The following ZNF385B variants were observed in gnomAD, a reference collection of about 807,000 sequenced individuals.
The protein encoded by ZNF385B is zinc finger protein 385B, also known as zinc finger protein 533.
In ZNF385B, 23 loss-of-function variants were observed where a neutral mutation model predicts 39.2. That is an observed-to-expected ratio of 0.59 (90% CI 0.42 to 0.83). The LOEUF (loss-of-function observed/expected upper bound fraction) is 0.83. Ranked by LOEUF, ZNF385B falls within the 40% of genes least tolerant of loss-of-function variation. ZNF385B has a pLI of 0.00. For synonymous variants in ZNF385B, 205 were observed against 222.6 expected (o/e 0.92, Z 0.70); for missense variants, 552 against 598.9 (o/e 0.92, Z 0.82).
At chr2:179,793,274 A>G (rs1223527039) in intron 1 of ZNF385B, among the ~76,000 whole-genome samples, 1 of 152,246 alleles carries the variant, frequency 6.6e-6, no homozygotes, top group African/African-American at 2.4e-5. Context: ...TTGCAAGAGA[A>G]AAGAAATGGA....
intron 1 of ZNF385B, among the ~76,000 whole-genome samples, chr2:179,845,787 C>T (rs1708771125): frequency 6.6e-6 from 1 of 152,200 alleles, no homozygotes; most frequent in African/African-American, 2.4e-5. Context: ...CCCATATTTA[C>T]AACTTGATAT....
At chr2:179,632,583 C>A (rs929247657) in intron 3 of ZNF385B, among the ~76,000 whole-genome samples, 2 of 152,106 alleles carry the variant, frequency 1.3e-5, no homozygotes, top group East Asian at 1.9e-4. Flanking sequence ...GCACTAAATG[C>A]CCACAAGAGA....
intron 3 of ZNF385B, among the ~76,000 whole-genome samples, chr2:179,683,805 T>C (rs905090682): frequency 6.6e-6 from 1 of 152,168 alleles, no homozygotes; most frequent in Admixed American, 6.5e-5. Context: ...CAAAACTGCA[T>C]TACTGTTACC....
chr2:179,443,626 G>C (rs1352742088), intron 9 of ZNF385B, among the ~76,000 whole-genome samples, 158 bp from the exon 10 acceptor site: 5 of 152,180 alleles, frequency 3.3e-5, no homozygotes, highest in Admixed American at 6.5e-5. Flanking sequence ...TCACAATGCT[G>C]GTTTCAGTGG....
rs60856335 is a variant in ZNF385B at position 179,764,398 on chromosome 2, A to AT, written c.298+5104dup. On this transcript the variant is annotated intron_variant, in intron 3 of 9. Transcript: ENST00000410066. ...ATATAGTTGGGTTTTTTTTTAATGCATTTTTTCTTTTGATTGGCTTATTTA... is the reference window on the plus strand; with the variant it reads ...ATATAGTTGGGTTTTTTTTTAATGCATTTTTTTCTTTTGATTGGCTTATTTA... 9.6e-3 allele frequency among the ~76,000 whole-genome samples: 1,443 copies of AT among 150,980 alleles called. 17 individuals are homozygous for AT. Among genetic ancestry groups the AT allele is most frequent in the Non-Finnish European group, 0.016 (1,069 of 67,652 alleles).
intron 6 of ZNF385B, among the ~76,000 whole-genome samples, chr2:179,459,196 A>G (rs2051026218): frequency 6.6e-6 from 1 of 152,134 alleles, no homozygotes; most frequent in African/African-American, 2.4e-5. Context: ...TTAGATAAAA[A>G]TTTCTTTGCA....
At chr2:179,823,936 T>C (rs1002411207) in intron 1 of ZNF385B, among the ~76,000 whole-genome samples, 2 of 152,152 alleles carry the variant, frequency 1.3e-5, no homozygotes, top group African/African-American at 4.8e-5. Context: ...GCTTGAGCAA[T>C]TACAGGTATT....
chr2:179,704,830 C>A (rs1699466623), intron 3 of ZNF385B, among the ~76,000 whole-genome samples: 1 of 152,132 alleles, frequency 6.6e-6, no homozygotes, highest in Non-Finnish European at 1.5e-5. Context: ...ATGGTACAAT[C>A]CCTCCAGGCA....
At chr2:179,664,487 G>A (rs1694901233) in intron 3 of ZNF385B, among the ~76,000 whole-genome samples, 1 of 152,066 alleles carries the variant, frequency 6.6e-6, no homozygotes. Context: ...TGAATAGATT[G>A]AACATTGAGG....
At chr2:179,821,979 A>C (rs897049996) in intron 1 of ZNF385B, among the ~76,000 whole-genome samples, 1 of 152,226 alleles carries the variant, frequency 6.6e-6, no homozygotes, top group South Asian at 2.1e-4. Flanking sequence ...TCTGCTGCAT[A>C]GTGCAAGGTT....
At chr2:179,852,871 T>C (rs1016479119) in intron 1 of ZNF385B, among the ~76,000 whole-genome samples, 8 of 152,170 alleles carry the variant, frequency 5.3e-5, no homozygotes, top group African/African-American at 1.7e-4. Flanking sequence ...TAAAGTCCAA[T>C]AATGACTACA....
intron 3 of ZNF385B, among the ~76,000 whole-genome samples, chr2:179,703,613 T>C (rs1330238015): frequency 1.3e-5 from 2 of 152,190 alleles, no homozygotes; most frequent in African/African-American, 4.8e-5. Context: ...AATGAGCAAA[T>C]TCAAGATTAC....
intron 3 of ZNF385B, among the ~76,000 whole-genome samples, chr2:179,565,730 T>A (rs1216161515): frequency 6.6e-6 from 1 of 152,208 alleles, no homozygotes; most frequent in African/African-American, 2.4e-5. Flanking sequence ...TTTTGTCTCC[T>A]TTTAAATTCT....
chr2:179,757,151 T>C (rs1000306173), intron 3 of ZNF385B, among the ~76,000 whole-genome samples: 4 of 152,228 alleles, frequency 2.6e-5, no homozygotes, highest in Non-Finnish European at 5.9e-5. Context: ...GGTGTGGATG[T>C]CCTTTCTGTT....
chr2:179,793,464 A>G (rs1205974048), intron 1 of ZNF385B, among the ~76,000 whole-genome samples: 2 of 152,044 alleles, frequency 1.3e-5, no homozygotes, highest in Non-Finnish European at 2.9e-5. Context: ...GATCATGGGG[A>G]TAGTTTCTGC....
At position 179,443,454 on chromosome 2, in the gene ZNF385B, G is replaced by A; in HGVS notation, c.1257C>T (p.Phe419=). The change falls in exon 10 of 10, where the codon TTC becomes TTT. Residue 419 remains phenylalanine (F), a synonymous_variant. Transcript: ENST00000410066. ...SPSILAAKLA[F]QKDMMKPLAP... is the part of the protein sequence containing the mutation. ...CCAAAGGCTTCATCATATCTTTCTG[G>A]AATGCAAGTTTTGCCTAAGGGAGGG... The A allele has an allele frequency of 6.2e-7, 1 of 1,601,528 alleles. No homozygotes were observed. The highest frequency in any genetic ancestry group is 1.3e-5 in the African/African-American group (1 of 74,952).
chr2:179,478,878 G>A (rs1035062552), intron 6 of ZNF385B, among the ~76,000 whole-genome samples: 1 of 151,962 alleles, frequency 6.6e-6, no homozygotes, highest in African/African-American at 2.4e-5. Flanking sequence ...TGATGTATTG[G>A]GCATATTATC....
intron 3 of ZNF385B, chr2:179,562,714 C>G (rs1684068431): frequency 2.3e-6 from 1 of 442,354 alleles, no homozygotes; most frequent in Non-Finnish European, 3.0e-6. Context: ...TGAGTATCCC[C>G]CAGCTACTCA....
chr2:179,621,453 T>C (rs994203932), intron 3 of ZNF385B, among the ~76,000 whole-genome samples: 1 of 152,162 alleles, frequency 6.6e-6, no homozygotes, highest in South Asian at 2.1e-4. Context: ...AACAAAGTAT[T>C]TGGGAAGAGG....
Sources: allele counts gnomAD v4.1 joint callset (sites outside exome capture counted in the v4.1 genomes callset), GRCh38; gene constraint gnomAD v4.1.1; transcripts MANE v1.5; gene names NCBI Gene and HGNC (gene_info 2026-07-23, HGNC 2026-07-21).